TANGO6: variants seen among roughly 807,000 people sequenced by gnomAD.
The protein encoded by TANGO6 is transport and golgi organization 6 homolog.
TANGO6 carries 90 observed loss-of-function variants against 114.2 expected under a neutral mutation model. The ratio of observed to expected loss-of-function variants is 0.79; its 90% CI spans 0.66 to 0.94. The LOEUF (loss-of-function observed/expected upper bound fraction) is 0.94, where lower values mean the gene tolerates loss of function less well. Among genes scored for constraint, TANGO6 ranks in the 40% least tolerant of loss-of-function variants. The pLI is 0.00. For missense variants in TANGO6, 1,274 were observed against 1,315.3 expected (o/e 0.97, Z 0.49); for synonymous variants, 477 against 509.8 (o/e 0.94, Z 0.87).
intron 17 of TANGO6, among the ~76,000 whole-genome samples, chr16:69,061,599 A>T (rs1329885193): frequency 6.6e-6 from 1 of 152,050 alleles, no homozygotes; most frequent in East Asian, 1.9e-4. Flanking sequence ...TTATTTATTT[A>T]GCTGTCAAAA....
chr16:68,919,132 G>T lies in TANGO6; in HGVS notation c.2040G>T (p.Leu680=), dbSNP rs754797051. ...CATTGCAGAGAGCCTGTGCAAGCCT[G>T]GCCCATCAGGCAGAGAGCACCGTGG... ...AATLQRACAS[L]AHQAESTVES... is the part of the protein sequence containing the mutation. The change falls in exon 12 of 18, where the codon CTG becomes CTT. Residue 680 remains leucine, a synonymous_variant. Transcript: ENST00000261778. 19 of 1,613,040 alleles carry T rather than the reference G, an allele frequency of 1.2e-5. No homozygotes were observed. In the South Asian group the frequency reaches 1.9e-4, roughly 16 times the overall value.
intron 9 of TANGO6, among the ~76,000 whole-genome samples, chr16:68,904,270 C>T (rs1184512441): frequency 2.0e-5 from 3 of 152,124 alleles, no homozygotes; most frequent in Non-Finnish European, 2.9e-5. Flanking sequence ...CCATGCCAGG[C>T]TAACGTCGTG....
chr16:69,079,386 A>G (rs1251335687), intron 17 of TANGO6, among the ~76,000 whole-genome samples: 2 of 151,714 alleles, frequency 1.3e-5, no homozygotes, highest in Non-Finnish European at 2.9e-5. Flanking sequence ...ACCGCATAGT[A>G]TAATGGCTAA....
At chr16:69,070,632 C>CAAAA in intron 17 of TANGO6, among the ~76,000 whole-genome samples, 1 of 87,072 alleles carries the variant, frequency 1.1e-5, no homozygotes, top group Non-Finnish European at 2.3e-5. Flanking sequence ...GACTCCATCT[C>CAAAA]AAAAAAAAAA....
intron 15 of TANGO6, among the ~76,000 whole-genome samples, chr16:68,984,723 T>C (rs1963874993): frequency 6.6e-6 from 1 of 152,206 alleles, no homozygotes; most frequent in Admixed American, 6.5e-5. Context: ...GGTCTCACTA[T>C]GTTGCCCAGG....
At chr16:68,954,249 CAAA>C (rs552507549) in intron 14 of TANGO6, among the ~76,000 whole-genome samples, 5 of 60,144 alleles carry the variant, frequency 8.3e-5, no homozygotes, top group East Asian at 5.8e-4. Context: ...GACTCCATCT[CAAA>C]AAAAAAAAAA....
chr16:68,913,991 G>C (rs1962964513), intron 11 of TANGO6, among the ~76,000 whole-genome samples: 2 of 152,212 alleles, frequency 1.3e-5, no homozygotes, highest in Admixed American at 1.3e-4. Flanking sequence ...CTGAAAAATA[G>C]GAGGTATAAA....
At chr16:69,031,131 G>A (rs1959586790) in intron 16 of TANGO6, among the ~76,000 whole-genome samples, 1 of 151,808 alleles carries the variant, frequency 6.6e-6, no homozygotes, top group Non-Finnish European at 1.5e-5. Context: ...CTGCTGCTTT[G>A]GGGCACCTTC....
At chr16:68,982,629 C>CATTTTTTTTTTTTTTT (rs1567553024) in intron 15 of TANGO6, among the ~76,000 whole-genome samples, 3 of 120,538 alleles carry the variant, frequency 2.5e-5, no homozygotes, top group African/African-American at 8.1e-5. Context: ...CATGCCCTGG[C>CATTTTTTTTTTTTTTT]CTTTTTTTTT....
intron 17 of TANGO6, among the ~76,000 whole-genome samples, chr16:69,058,023 A>G (rs1232907667): frequency 6.6e-6 from 1 of 152,226 alleles, no homozygotes; most frequent in Admixed American, 6.5e-5. Flanking sequence ...CTGGGGAGTC[A>G]GTCCTGGGAC....
intron 17 of TANGO6, among the ~76,000 whole-genome samples, chr16:69,080,195 C>G (rs1435804519): frequency 6.6e-6 from 1 of 151,948 alleles, no homozygotes; most frequent in Non-Finnish European, 1.5e-5. Context: ...TCCATATGTG[C>G]CAATTATACA....
intron 14 of TANGO6, among the ~76,000 whole-genome samples, chr16:68,960,051 C>T (rs1350643314): frequency 6.6e-5 from 10 of 152,152 alleles, no homozygotes; most frequent in Non-Finnish European, 1.5e-4. Flanking sequence ...TCCGAAGCCC[C>T]TCTTTTCTTT....
At chr16:68,947,216 G>A (rs2152203992) in intron 14 of TANGO6, among the ~76,000 whole-genome samples, 1 of 152,234 alleles carries the variant, frequency 6.6e-6, no homozygotes, top group Admixed American at 6.5e-5. Flanking sequence ...CCAGCACTTT[G>A]GGAGGCCGAG....
At chr16:68,896,196 AG>A (rs1273544801) in intron 7 of TANGO6, among the ~76,000 whole-genome samples, 1 of 152,094 alleles carries the variant, frequency 6.6e-6, no homozygotes, top group Non-Finnish European at 1.5e-5. Flanking sequence ...TAGTAGAGAC[AG>A]GGTTTCGTCA....
chr16:68,927,824 T>C lies in TANGO6; in HGVS notation c.2384T>C (p.Leu795Pro), dbSNP rs760243305. 6.2e-7 allele frequency: 1 copy of C among 1,614,022 alleles called. No homozygotes were observed. Among genetic ancestry groups the C allele is most frequent in the Non-Finnish European group, 8.5e-7 (1 of 1,179,884 alleles). ...CCCACTGATGTAGCTCATAGCCACCTTGAACAACAGCAGAGCCATGAGACA... is the reference window on the plus strand; with the variant it reads ...CCCACTGATGTAGCTCATAGCCACCCTGAACAACAGCAGAGCCATGAGACA... Reference protein sequence around the residue: ...ERPTDVAHSHLEQQQSHETAP... With the variant: ...ERPTDVAHSHPEQQQSHETAP... The change falls in exon 13 of 18, where the codon CTT becomes CCT. Residue 795 changes from leucine to proline, a missense_variant. Physicochemically the swap from Leu to Pro is moderately conservative, Grantham distance 98 (BLOSUM62 -3). Transcript: ENST00000261778.
At chr16:69,010,686 A>G (rs1964135385) in intron 15 of TANGO6, among the ~76,000 whole-genome samples, 1 of 152,178 alleles carries the variant, frequency 6.6e-6, no homozygotes, top group African/African-American at 2.4e-5. Flanking sequence ...CCCAAGAAGA[A>G]TAGATATCAC....
chr16:68,950,487 C>T (rs1435313397), intron 14 of TANGO6, among the ~76,000 whole-genome samples: 1 of 151,812 alleles, frequency 6.6e-6, no homozygotes, highest in Non-Finnish European at 1.5e-5. Context: ...ATCGCTTGAA[C>T]CTGGGAGGCG....
At chr16:68,959,015 C>T (rs1239079609) in intron 14 of TANGO6, among the ~76,000 whole-genome samples, 6 of 152,184 alleles carry the variant, frequency 3.9e-5, no homozygotes, top group African/African-American at 1.4e-4. Context: ...GTCAAGTTAA[C>T]CCCTGTGTAG....
chr16:68,874,745 C>T (rs1045044323), intron 4 of TANGO6, among the ~76,000 whole-genome samples: 1 of 152,080 alleles, frequency 6.6e-6, no homozygotes, highest in Non-Finnish European at 1.5e-5. Context: ...GTCAGAAGTT[C>T]GAGACCAGCC....
Sources: allele counts gnomAD v4.1 joint callset (sites outside exome capture counted in the v4.1 genomes callset), GRCh38; gene constraint gnomAD v4.1.1; transcripts MANE v1.5; gene names NCBI Gene and HGNC (gene_info 2026-07-23, HGNC 2026-07-21).